NUP107: variants seen among roughly 807,000 people sequenced by gnomAD.
NUP107 encodes nucleoporin 107, also known as nuclear pore complex protein Nup107.
NUP107 carries 101 observed loss-of-function variants against 141.0 expected under a neutral mutation model. That is an observed-to-expected ratio of 0.72 (90% CI 0.61 to 0.84). The LOEUF is 0.84. Among genes scored for constraint, NUP107 ranks in the 40% least tolerant of loss-of-function variants. NUP107 has a pLI of 0.00. For missense variants in NUP107, 941 were observed against 1,102.7 expected, an observed-to-expected ratio of 0.85 and a Z score of 2.08; for synonymous variants, 319 against 363.9, an observed-to-expected ratio of 0.88 and a Z score of 1.41.
chr12:68,687,687 G>A (rs1875564746), intron 1 of NUP107: 1 of 969,900 alleles, frequency 1.0e-6, no homozygotes. Flanking sequence ...TGAATAATAA[G>A]AGTACATTAT....
chr12:68,726,358 G>A, intron 18 of NUP107, 141 bp from the exon 19 acceptor site: 1 of 607,732 alleles, frequency 1.6e-6, no homozygotes, highest in Non-Finnish European at 2.9e-6. Flanking sequence ...TTCAAAGAGG[G>A]TGTAGAGTTA....
At chr12:68,707,869 G>C (rs1203179695) in intron 8 of NUP107, among the ~76,000 whole-genome samples, 1 of 152,150 alleles carries the variant, frequency 6.6e-6, no homozygotes, top group Non-Finnish European at 1.5e-5. Flanking sequence ...GGCCGAGGCA[G>C]GTAGACTGCT....
At chr12:68,728,824 A>G (rs900213006) in intron 20 of NUP107, among the ~76,000 whole-genome samples, 5 of 152,066 alleles carry the variant, frequency 3.3e-5, no homozygotes, top group Admixed American at 2.6e-4. Flanking sequence ...TTATAGTACT[A>G]TACTGTACCT....
chr12:68,711,928 A>G (rs1440743504), intron 10 of NUP107, among the ~76,000 whole-genome samples: 2 of 152,184 alleles, frequency 1.3e-5, no homozygotes, highest in Non-Finnish European at 2.9e-5. Flanking sequence ...TTTTTTCTTA[A>G]TAAGATTATT....
intron 26 of NUP107, chr12:68,740,036 G>T (rs1468427362): frequency 6.6e-6 from 1 of 152,162 alleles, no homozygotes; most frequent in Non-Finnish European, 1.5e-5. Context: ...CAGCCCGCCC[G>T]CTAGTATCGG....
intron 3 of NUP107, among the ~76,000 whole-genome samples, chr12:68,690,183 C>T (rs1875716698): frequency 6.6e-6 from 1 of 151,342 alleles, no homozygotes; most frequent in African/African-American, 2.4e-5. Flanking sequence ...AAAAAAAATC[C>T]CAGTTCCATT....
intron 9 of NUP107, among the ~76,000 whole-genome samples, chr12:68,709,604 A>T (rs1324712562): frequency 1.3e-5 from 2 of 152,098 alleles, no homozygotes; most frequent in Non-Finnish European, 1.5e-5. Context: ...TTGTTACTTG[A>T]TATTTTTAAA....
At chr12:68,733,999 G>A (rs899741933) in intron 24 of NUP107, among the ~76,000 whole-genome samples, 5 of 152,152 alleles carry the variant, frequency 3.3e-5, no homozygotes, top group African/African-American at 1.2e-4. Flanking sequence ...GGCTAGATGC[G>A]GTGACTCACG....
chr12:68,733,719 T>G, intron 24 of NUP107, 107 bp downstream of exon 24: 1 of 1,125,560 alleles, frequency 8.9e-7, no homozygotes, highest in South Asian at 1.5e-5. Flanking sequence ...TCATCTTACC[T>G]CTCTTGTGAC....
rs368688267 is a variant in NUP107 at position 68,702,744 on chromosome 12, T to A, written c.689T>A (p.Ile230Lys). Residue 230 changes from isoleucine to lysine, a missense_variant, in exon 8 of 28, where the codon ATA becomes AAA. Ile to Lys is a moderately radical substitution (Grantham distance 102). Coordinates refer to ENST00000229179, the MANE Select transcript of NUP107 (RefSeq NM_020401.4). ...GTCTTATTTTTCCCCAGAGACAGAATACAGTCTGCATTAGAAGAGGAAAGT... is the reference window on the plus strand; with the variant it reads ...GTCTTATTTTTCCCCAGAGACAGAAAACAGTCTGCATTAGAAGAGGAAAGT... ...RLLASLYRDR[I>K]QSALEEESVF... 22 of 1,546,844 alleles carry A rather than the reference T, an allele frequency of 1.4e-5. No individual in the cohort carries two copies. The highest frequency in any genetic ancestry group is 1.9e-5 in the Non-Finnish European group (22 of 1,145,534).
chr12:68,697,493 G>A (rs1016892482), intron 6 of NUP107, among the ~76,000 whole-genome samples: 4 of 148,134 alleles, frequency 2.7e-5, no homozygotes, highest in Non-Finnish European at 6.0e-5. Context: ...GGGAGGGAGA[G>A]CATCAGGAAG....
intron 6 of NUP107, among the ~76,000 whole-genome samples, 193 bp downstream of exon 6, chr12:68,697,115 A>G (rs1162841249): frequency 6.6e-6 from 1 of 152,162 alleles, no homozygotes; most frequent in Non-Finnish European, 1.5e-5. Flanking sequence ...GGGAGAAAAA[A>G]GGATTCTGCT....
intron 19 of NUP107, among the ~76,000 whole-genome samples, chr12:68,727,105 C>T (rs1419032206): frequency 2.0e-5 from 3 of 152,182 alleles, no homozygotes; most frequent in Non-Finnish European, 4.4e-5. Context: ...GTAAATAAAA[C>T]TTCCCTTGGT....
chr12:68,744,064 G>C lies in NUP107; in HGVS notation c.*1602G>C, dbSNP rs534910394. 6.6e-6 allele frequency: 1 copy of C among 152,206 alleles called. No homozygotes were observed. The highest frequency in any genetic ancestry group is 1.5e-5 in the Non-Finnish European group (1 of 68,034). The allele number at this position is 152,206 out of a possible 1,614,324, so 9.4% of individuals were successfully genotyped here. A position where few individuals can be genotyped will look rare whatever the true frequency, so the allele number is the denominator to read the frequency against. ...AACAAACTGTATATATAGAAACTTTGTACAACCCAGGGTGACTATTTCCAA... is the reference window on the plus strand; with the variant it reads ...AACAAACTGTATATATAGAAACTTTCTACAACCCAGGGTGACTATTTCCAA... On this transcript the variant is annotated 3_prime_UTR_variant, in exon 28 of 28. Transcript: ENST00000229179.
At chr12:68,707,260 T>A (rs1320966085) in intron 8 of NUP107, among the ~76,000 whole-genome samples, 1 of 152,124 alleles carries the variant, frequency 6.6e-6, no homozygotes, top group Non-Finnish European at 1.5e-5. Context: ...AATGCAATTT[T>A]TTTTTCCAAA....
chr12:68,712,793 A>G (rs1325962069), intron 10 of NUP107, among the ~76,000 whole-genome samples: 1 of 152,134 alleles, frequency 6.6e-6, no homozygotes, highest in Admixed American at 6.5e-5. Flanking sequence ...AAGGACATCA[A>G]AGCAATCCAG....
intron 20 of NUP107, 92 bp from the exon 21 acceptor site, chr12:68,731,018 A>G: frequency 1.3e-6 from 1 of 741,484 alleles, no homozygotes. Context: ...ACAAATCCAC[A>G]TCTGTATGAA....
intron 17 of NUP107, among the ~76,000 whole-genome samples, chr12:68,723,857 C>G (rs556881375): frequency 6.6e-5 from 10 of 152,132 alleles, no homozygotes; most frequent in Admixed American, 6.5e-4. Flanking sequence ...TATCTTTTAG[C>G]TATTTTTCTG....
intron 12 of NUP107, 78 bp from the exon 13 acceptor site, chr12:68,719,263 A>C: frequency 1.0e-6 from 1 of 981,050 alleles, no homozygotes; most frequent in South Asian, 1.4e-5. Context: ...TAAGTTATCT[A>C]AGCTTGTCAT....
Sources: allele counts gnomAD v4.1 joint callset (sites outside exome capture counted in the v4.1 genomes callset), GRCh38; gene constraint gnomAD v4.1.1; transcripts MANE v1.5; gene names NCBI Gene and HGNC (gene_info 2026-07-23, HGNC 2026-07-21).